Variants in CDH13 observed in about 807,000 individuals in gnomAD.
CDH13 encodes the protein cadherin-13.
In CDH13, 24 loss-of-function variants were observed where a neutral mutation model predicts 63.8. The ratio of observed to expected loss-of-function variants is 0.38; its 90% CI spans 0.27 to 0.53. The LOEUF (loss-of-function observed/expected upper bound fraction) is 0.53, where lower values mean the gene tolerates loss of function less well. Among genes scored for constraint, CDH13 ranks in the 20% least tolerant of loss-of-function variants. CDH13 has a pLI of 0.85. For synonymous variants in CDH13, 503 were observed against 355.3 expected, an observed-to-expected ratio of 1.42 and a Z score of -4.67; for missense variants, 1,049 against 903.1, an observed-to-expected ratio of 1.16 and a Z score of -2.07.
chr16:82,775,621 A>C (rs760429632), intron 1 of CDH13, among the ~76,000 whole-genome samples: 4 of 152,188 alleles, frequency 2.6e-5, no homozygotes, highest in Non-Finnish European at 5.9e-5. Context: ...CAGAGAGGTT[A>C]AGTAATGTAC....
At chr16:83,139,021 G>A (rs753970524) in intron 4 of CDH13, among the ~76,000 whole-genome samples, 45 of 152,288 alleles carry the variant, frequency 3.0e-4, no homozygotes, top group Middle Eastern at 3.4e-3. Flanking sequence ...TACTTTGTGG[G>A]AATGTAGACT....
intron 1 of CDH13, among the ~76,000 whole-genome samples, chr16:82,694,921 G>A (rs1287376914): frequency 6.6e-6 from 1 of 152,154 alleles, no homozygotes; most frequent in Non-Finnish European, 1.5e-5. Context: ...GAACTGAGGA[G>A]TCAAGGAGGG....
intron 1 of CDH13, among the ~76,000 whole-genome samples, chr16:82,828,858 G>A (rs1198365091): frequency 6.6e-6 from 1 of 152,098 alleles, no homozygotes; most frequent in Non-Finnish European, 1.5e-5. Flanking sequence ...CGAATACTAT[G>A]CCATTTTACA....
chr16:83,417,262 T>C (rs1043703022), intron 6 of CDH13, among the ~76,000 whole-genome samples: 5 of 152,160 alleles, frequency 3.3e-5, no homozygotes, highest in Admixed American at 6.5e-5. Context: ...AAATACCAAA[T>C]TGACTCCTTA....
At chr16:83,084,268 A>G (rs9924166) in intron 3 of CDH13, among the ~76,000 whole-genome samples, 4,787 of 152,272 alleles carry the variant, frequency 0.031, 241 homozygotes, top group African/African-American at 0.11. Flanking sequence ...GGTAGTCTGG[A>G]GAAGGATCTG....
At chr16:83,666,517 T>C (rs1435874227) in intron 8 of CDH13, among the ~76,000 whole-genome samples, 3 of 152,244 alleles carry the variant, frequency 2.0e-5, no homozygotes, top group Non-Finnish European at 4.4e-5. Flanking sequence ...TTTGCTTTCA[T>C]AGTAAATCCC....
At chr16:82,820,287 G>C (rs565904272) in intron 1 of CDH13, among the ~76,000 whole-genome samples, 163 of 152,278 alleles carry the variant, frequency 1.1e-3, no homozygotes, top group Non-Finnish European at 1.9e-3. Context: ...CTGAGTACAC[G>C]TTTACGTTGG....
intron 2 of CDH13, among the ~76,000 whole-genome samples, chr16:82,912,638 T>C (rs905779609): frequency 1.3e-5 from 2 of 152,232 alleles, no homozygotes; most frequent in Non-Finnish European, 2.9e-5. Flanking sequence ...CTTTCTGTTA[T>C]TGCATTGAAA....
At chr16:82,712,111 A>T (rs1597382437) in intron 1 of CDH13, among the ~76,000 whole-genome samples, 1 of 152,164 alleles carries the variant, frequency 6.6e-6, no homozygotes, top group African/African-American at 2.4e-5. Flanking sequence ...CTTAAAAAAA[A>T]CTTACCAGCA....
chr16:82,898,992 C>G (rs1413420851), intron 2 of CDH13, among the ~76,000 whole-genome samples: 1 of 152,190 alleles, frequency 6.6e-6, no homozygotes, highest in African/African-American at 2.4e-5. Flanking sequence ...TGAGGTAATT[C>G]CCAAGAGGAC....
chr16:83,790,127 C>T (rs1916163596), intron 13 of CDH13: 2 of 152,196 alleles, frequency 1.3e-5, no homozygotes, highest in Admixed American at 6.5e-5. Context: ...GTCCCATTTT[C>T]TAGATGAGAA....
chr16:83,128,544 T>C lies in CDH13; in HGVS notation c.483+3043T>C, dbSNP rs74410275. On this transcript the variant is annotated intron_variant, in intron 4 of 13. Transcript: ENST00000567109. ...ATTAATTAGGTTATAATAAGGACAA[T>C]CACATTTCAGTTGCCTGGAAAATCC... Among the ~76,000 whole-genome samples, 451 of 152,324 alleles carry C rather than the reference T, an allele frequency of 3.0e-3. 11 individuals carry two copies. The East Asian group carries it at 0.054, about 18-fold the overall frequency.
chr16:82,871,921 C>A (rs1276937691), intron 2 of CDH13, among the ~76,000 whole-genome samples: 1 of 152,176 alleles, frequency 6.6e-6, no homozygotes, highest in Non-Finnish European at 1.5e-5. Context: ...TCCCAGTGTT[C>A]CAGCAAATAT....
At chr16:83,698,586 A>G (rs1005613104) in intron 10 of CDH13, among the ~76,000 whole-genome samples, 2 of 152,198 alleles carry the variant, frequency 1.3e-5, no homozygotes, top group Non-Finnish European at 1.5e-5. Flanking sequence ...TTGGAAGTCC[A>G]TTCTGCTTCT....
intron 1 of CDH13, among the ~76,000 whole-genome samples, chr16:82,781,299 G>A (rs974013661): frequency 3.9e-5 from 6 of 152,140 alleles, no homozygotes. Flanking sequence ...CCAGCTTTAG[G>A]GAAATGCAGA....
chr16:83,488,152 A>G (rs1349140745), intron 7 of CDH13, among the ~76,000 whole-genome samples: 1 of 152,200 alleles, frequency 6.6e-6, no homozygotes, highest in Non-Finnish European at 1.5e-5. Context: ...ACAGTCACAG[A>G]CACATCTCAA....
At chr16:83,164,850 C>T (rs1190165063) in intron 4 of CDH13, among the ~76,000 whole-genome samples, 1 of 151,544 alleles carries the variant, frequency 6.6e-6, no homozygotes, top group Non-Finnish European at 1.5e-5. Flanking sequence ...TATATGCATG[C>T]TGGCTAGTGT....
chr16:83,066,395 G>A (rs2032012378), intron 3 of CDH13, among the ~76,000 whole-genome samples: 1 of 152,128 alleles, frequency 6.6e-6, no homozygotes. Context: ...CTAATCCCAG[G>A]AAAAGTCCTA....
At chr16:82,962,610 A>C (rs1457140967) in intron 2 of CDH13, among the ~76,000 whole-genome samples, 2 of 152,168 alleles carry the variant, frequency 1.3e-5, no homozygotes, top group Non-Finnish European at 2.9e-5. Context: ...GGTCTAGAAG[A>C]GAATCTGACA....
Sources: gnomAD v4.1 joint callset for allele counts (sites outside exome capture counted in the v4.1 genomes callset) on GRCh38, gnomAD v4.1.1 for gene constraint, MANE v1.5 for transcripts, NCBI Gene and HGNC (gene_info 2026-07-23, HGNC 2026-07-21) for gene names.